Variants in TMEM196 observed in about 807,000 individuals in gnomAD.
TMEM196 encodes the protein transmembrane protein 196.
Under a neutral mutation model 20.0 loss-of-function variants are expected in TMEM196, and 17 were observed. That is an observed-to-expected ratio of 0.85 (90% CI 0.58 to 1.27). The LOEUF is 1.27. TMEM196 is among the 50% of genes most tolerant of loss of function. The pLI, the probability that TMEM196 is intolerant of heterozygous loss-of-function variation, is 0.00. For synonymous variants in TMEM196, 113 were observed against 88.9 expected (o/e 1.27, Z -1.52); for missense variants, 267 against 223.0 (o/e 1.20, Z -1.26).
At chr7:19,734,108 A>C (rs1784310884) in intron 1 of TMEM196, among the ~76,000 whole-genome samples, 1 of 152,206 alleles carries the variant, frequency 6.6e-6, no homozygotes. Context: ...GCACAAGGCA[A>C]CTACAGCCCA....
intron 1 of TMEM196, among the ~76,000 whole-genome samples, chr7:19,768,637 C>T (rs1325025900): frequency 1.3e-5 from 2 of 152,120 alleles, no homozygotes; most frequent in Non-Finnish European, 2.9e-5. Context: ...TGTTATCTAA[C>T]AGTTATGCCT....
chr7:19,759,452 A>G (rs1458351664), intron 1 of TMEM196, among the ~76,000 whole-genome samples: 2 of 152,142 alleles, frequency 1.3e-5, no homozygotes, highest in Non-Finnish European at 2.9e-5. Context: ...ATATGACCTT[A>G]AAAATATTTT....
intron 1 of TMEM196, among the ~76,000 whole-genome samples, chr7:19,765,756 C>G (rs1300922195): frequency 6.6e-6 from 1 of 152,066 alleles, no homozygotes; most frequent in African/African-American, 2.4e-5. Context: ...CAGTTTTAGA[C>G]TAAGTATTTA....
intron 1 of TMEM196, among the ~76,000 whole-genome samples, chr7:19,764,572 G>A (rs1785551374): frequency 6.6e-6 from 1 of 152,072 alleles, no homozygotes; most frequent in Non-Finnish European, 1.5e-5. Flanking sequence ...AACCTATTCT[G>A]TCTTCAAGGC....
chr7:19,732,690 G>C (rs920161691), intron 1 of TMEM196, among the ~76,000 whole-genome samples: 3 of 150,004 alleles, frequency 2.0e-5, no homozygotes, highest in Admixed American at 2.0e-4. Context: ...AGTGTTCAAT[G>C]AATACCTACT....
intron 1 of TMEM196, among the ~76,000 whole-genome samples, chr7:19,763,927 C>T (rs1482260552): frequency 6.6e-6 from 1 of 152,126 alleles, no homozygotes; most frequent in Non-Finnish European, 1.5e-5. Flanking sequence ...CAAGCCTAAA[C>T]AATTAAAAAG....
At chr7:19,753,736 A>G (rs1583449130) in intron 1 of TMEM196, among the ~76,000 whole-genome samples, 1 of 152,192 alleles carries the variant, frequency 6.6e-6, no homozygotes, top group Admixed American at 6.5e-5. Flanking sequence ...CAAATCCTAT[A>G]GTCTAATACT....
intron 1 of TMEM196, among the ~76,000 whole-genome samples, chr7:19,759,310 A>G (rs1785337584): frequency 6.6e-6 from 1 of 152,172 alleles, no homozygotes; most frequent in Admixed American, 6.6e-5. Context: ...GTCTTTTCTT[A>G]CACCACTCTT....
intron 2 of TMEM196, 60 bp downstream of exon 2, chr7:19,729,322 A>G (rs1194372094): frequency 6.9e-6 from 10 of 1,441,258 alleles, no homozygotes; most frequent in African/African-American, 3.0e-5. Flanking sequence ...CATCATTTCT[A>G]TTTTAGAATT....
At chr7:19,740,035 C>T (rs1434365855) in intron 1 of TMEM196, among the ~76,000 whole-genome samples, 1 of 152,126 alleles carries the variant, frequency 6.6e-6, no homozygotes, top group Non-Finnish European at 1.5e-5. Flanking sequence ...ACAGATTTAG[C>T]TGCAAGTGTA....
chr7:19,752,999 A>G (rs1340910253), intron 1 of TMEM196, among the ~76,000 whole-genome samples: 1 of 152,126 alleles, frequency 6.6e-6, no homozygotes, highest in Non-Finnish European at 1.5e-5. Flanking sequence ...CCAATTTGAC[A>G]ACTGGTCTAC....
At chr7:19,734,669 G>A (rs1417331819) in intron 1 of TMEM196, among the ~76,000 whole-genome samples, 1 of 152,154 alleles carries the variant, frequency 6.6e-6, no homozygotes, top group Non-Finnish European at 1.5e-5. Flanking sequence ...GTGACCTCTG[G>A]GCACTGGAGA....
intron 1 of TMEM196, among the ~76,000 whole-genome samples, chr7:19,732,496 C>A (rs1472850699): frequency 6.6e-6 from 1 of 151,442 alleles, no homozygotes; most frequent in East Asian, 1.9e-4. Flanking sequence ...TCACTTGAAC[C>A]CAGGAGGCGG....
Position 19,721,824 on chromosome 7 carries a change from C to A in TMEM196, c.*304G>T. On this transcript the variant is annotated 3_prime_UTR_variant, in exon 5 of 5. Transcript: ENST00000405844. ...ATTTCTGTTTTATTATCTCTTTTTC[C>A]TGAAAAGTCTTCTTTAGAACAATCT... The A allele has an allele frequency of 2.6e-6, 1 of 378,344 alleles. No homozygotes were observed. Among genetic ancestry groups the A allele is most frequent in the Admixed American group, 4.8e-5 (1 of 20,680 alleles). The allele number at this position is 378,344 out of a possible 1,614,324, so 23.4% of individuals were successfully genotyped here. A position where few individuals can be genotyped will look rare whatever the true frequency, so the allele number is the denominator to read the frequency against.
intron 1 of TMEM196, among the ~76,000 whole-genome samples, chr7:19,732,061 A>G (rs1020996174): frequency 2.0e-5 from 3 of 152,202 alleles, no homozygotes; most frequent in Non-Finnish European, 4.4e-5. Context: ...AGGCCCCCAA[A>G]GTAGTAAATT....
At chr7:19,750,769 A>T (rs918670592) in intron 1 of TMEM196, among the ~76,000 whole-genome samples, 1 of 152,192 alleles carries the variant, frequency 6.6e-6, no homozygotes, top group African/African-American at 2.4e-5. Context: ...TCAGAAATAG[A>T]GTGAATCTTG....
intron 1 of TMEM196, among the ~76,000 whole-genome samples, chr7:19,769,459 A>C (rs1785772474): frequency 1.3e-5 from 2 of 152,056 alleles, no homozygotes; most frequent in South Asian, 4.1e-4. Flanking sequence ...AAAATGGAAG[A>C]GCCTACTCTT....
At position 19,736,392 on chromosome 7, in the gene TMEM196, T is replaced by A. The variant is rs1335811630; in HGVS notation, c.148-6954A>T. On this transcript the variant is annotated intron_variant, in intron 1 of 4. Transcript: ENST00000405844. ...ATATATATATATATATATATATATA[T>A]ATATATATAAATTATCTCTGTAAAA... Among the ~76,000 whole-genome samples, 5 of 134,092 alleles carry A rather than the reference T, an allele frequency of 3.7e-5. No homozygotes were observed. In the Admixed American group the frequency reaches 3.7e-4, roughly 10 times the overall value. 88.0% of individuals were successfully genotyped at this position (134,092 alleles called of 152,430 possible).
chr7:19,747,414 G>C (rs1784799911), intron 1 of TMEM196, among the ~76,000 whole-genome samples: 1 of 152,082 alleles, frequency 6.6e-6, no homozygotes, highest in Non-Finnish European at 1.5e-5. Flanking sequence ...ATGTATTTAG[G>C]TTTAGGGAAG....
Sources: allele counts gnomAD v4.1 joint callset (sites outside exome capture counted in the v4.1 genomes callset), GRCh38; gene constraint gnomAD v4.1.1; transcripts MANE v1.5; gene names NCBI Gene and HGNC (gene_info 2026-07-23, HGNC 2026-07-21).